ZNF316: variants seen among roughly 807,000 people sequenced by gnomAD.
ZNF316 encodes zinc finger protein 316.
In ZNF316, 23 loss-of-function variants were observed where a neutral mutation model predicts 75.6. The ratio of observed to expected loss-of-function variants is 0.30; its 90% CI spans 0.22 to 0.43. The LOEUF is 0.43. Ranked by LOEUF, ZNF316 falls within the 20% of genes least tolerant of loss-of-function variation. ZNF316 has a pLI of 1.00. For synonymous variants in ZNF316, 827 were observed against 666.2 expected, an observed-to-expected ratio of 1.24 and a Z score of -3.72; for missense variants, 1,266 against 1,409.4, an observed-to-expected ratio of 0.90 and a Z score of 1.63.
Position 6,657,311 on chromosome 7 carries a change from CAAAAAAAAAAA to C in ZNF316, c.*2717_*2727del, listed in dbSNP as rs33942632. On this transcript the variant is annotated 3_prime_UTR_variant, in exon 9 of 9. Coordinates refer to ENST00000382252, the MANE Select transcript of ZNF316 (RefSeq NM_001278559.2). ...GCCCGGCCAGAGCAACCTAATATTT[CAAAAAAAAAAA>C]AAAAAAAAAAAAAAAAGCCGGGCAT... Among the ~76,000 whole-genome samples the C allele has an allele frequency of 6.1e-5, 4 of 65,200 alleles. No individual in the cohort carries two copies. Among genetic ancestry groups the C allele is most frequent in the Admixed American group, 4.2e-4 (2 of 4,796 alleles). 42.8% of individuals were successfully genotyped at this position (65,200 alleles called of 152,430 possible).
rs1243365144 is a variant in ZNF316, at chr7:6,657,138, C to A, written c.*2527C>A. On this transcript the variant is annotated 3_prime_UTR_variant, in exon 9 of 9. Coordinates refer to ENST00000382252, the MANE Select transcript of ZNF316 (RefSeq NM_001278559.2). Reference sequence around the variant, plus strand: ...ACTGCCGAGTAGCTGGGATTACAGGCATGTGCCACCATGCCCAGCGAGTTT... The same window carrying A: ...ACTGCCGAGTAGCTGGGATTACAGGAATGTGCCACCATGCCCAGCGAGTTT... Among the ~76,000 whole-genome samples the A allele has an allele frequency of 5.3e-5, 8 of 151,902 alleles. No homozygotes were observed. The highest frequency in any genetic ancestry group is 8.8e-5 in the Non-Finnish European group (6 of 67,984).
rs1779660513 is a variant in ZNF316 at position 6,658,271 on chromosome 7, A to G, written c.*3660A>G. 6.6e-6 allele frequency among the ~76,000 whole-genome samples: 1 copy of G among 151,880 alleles called. No homozygotes were observed. Among genetic ancestry groups the G allele is most frequent in the Non-Finnish European group, 1.5e-5 (1 of 67,992 alleles). On this transcript the variant is annotated 3_prime_UTR_variant, in exon 9 of 9. Transcript: ENST00000382252. Reference sequence around the variant, plus strand: ...GGTTATATCTATTAAATAAAGCTTTATGATCTTTGCTCTTTTTTTTTTCCT... The same window carrying G: ...GGTTATATCTATTAAATAAAGCTTTGTGATCTTTGCTCTTTTTTTTTTCCT...
chr7:6,653,400 G>T lies in ZNF316; in HGVS notation c.1804G>T (p.Val602Leu), dbSNP rs1446629508. The T allele has an allele frequency of 2.2e-5, 27 of 1,227,040 alleles. No homozygotes were observed. The highest frequency in any genetic ancestry group is 2.7e-5 in the Non-Finnish European group (27 of 985,476). 76.0% of individuals were successfully genotyped at this position (1,227,040 alleles called of 1,614,324 possible). ...SSHPLGFHFP[V>L]HPKSWLHPDS... is the part of the protein sequence containing the mutation. Reference sequence around the variant, plus strand: ...CCACCCGCTGGGCTTCCACTTCCCCGTGCACCCCAAGTCCTGGCTGCACCC... The same window carrying T: ...CCACCCGCTGGGCTTCCACTTCCCCTTGCACCCCAAGTCCTGGCTGCACCC... The change falls in exon 9 of 9, where the codon GTG becomes TTG. Residue 602 changes from valine (V) to leucine (L), a missense_variant. By Grantham distance (32) the Val-to-Leu change is conservative. This residue lies in a region of ZNF316 where 961 missense variants were observed against 990.9 expected (regional missense o/e 0.97). Coordinates refer to ENST00000382252, the MANE Select transcript of ZNF316 (RefSeq NM_001278559.2).
At position 6,657,438 on chromosome 7, in the gene ZNF316, A is replaced by C. The variant is rs932003824; in HGVS notation, c.*2827A>C. ...AATTCAAGGCCAACCTGGGCAACGT[A>C]TCAAGACTCCATGTCTGAAACAGAC... On this transcript the variant is annotated 3_prime_UTR_variant, in exon 9 of 9. Coordinates refer to ENST00000382252, the MANE Select transcript of ZNF316 (RefSeq NM_001278559.2). Among the ~76,000 whole-genome samples, 1 of 151,928 alleles carries C rather than the reference A, an allele frequency of 6.6e-6. No individual in the cohort carries two copies. Among genetic ancestry groups the C allele is most frequent in the African/African-American group, 2.4e-5 (1 of 41,374 alleles).
At chr7:6,648,851 C>G (rs968355732) in intron 8 of ZNF316, among the ~76,000 whole-genome samples, 1 of 152,034 alleles carries the variant, frequency 6.6e-6, no homozygotes, top group Admixed American at 6.5e-5. Flanking sequence ...TGAGGGACAT[C>G]TCAGCATTAA....
chr7:6,643,132 T>C (rs1430497293), intron 6 of ZNF316, 59 bp downstream of exon 6: 2 of 1,231,622 alleles, frequency 1.6e-6, no homozygotes, highest in Non-Finnish European at 2.0e-6. Flanking sequence ...CCCCGGGGCC[T>C]CGGCACCTGC....
rs1562584166 is a variant in ZNF316 at position 6,653,282 on chromosome 7, G to A, written c.1686G>A (p.Ala562=). 3.3e-6 allele frequency: 4 copies of A among 1,227,684 alleles called. No homozygotes were observed. The highest frequency in any genetic ancestry group is 3.0e-6 in the Non-Finnish European group (3 of 986,032). 76.0% of individuals were successfully genotyped at this position (1,227,684 alleles called of 1,614,324 possible). A position where few individuals can be genotyped will look rare whatever the true frequency, so the allele number is the denominator to read the frequency against. ...AAEEREEAAV[A]APTPSGKVDP... ...AGGAGAGAGAGGAGGCGGCGGTGGCGGCGCCCACCCCCAGCGGCAAGGTGG... is the reference window on the plus strand; with the variant it reads ...AGGAGAGAGAGGAGGCGGCGGTGGCAGCGCCCACCCCCAGCGGCAAGGTGG... Residue 562 remains alanine (A), a synonymous_variant, in exon 9 of 9, where the codon GCG becomes GCA. Coordinates refer to ENST00000382252, the MANE Select transcript of ZNF316 (RefSeq NM_001278559.2).
Position 6,639,531 on chromosome 7 carries a change from G to A in ZNF316, c.-167+390G>A, listed in dbSNP as rs184743981. Reference sequence around the variant, plus strand: ...AAAGGGGAAGAGAGTTCTGGGGATGGGGAATAACACACACACGGCCTGAGA... The same window carrying A: ...AAAGGGGAAGAGAGTTCTGGGGATGAGGAATAACACACACACGGCCTGAGA... On this transcript the variant is annotated intron_variant, in intron 3 of 8. Coordinates refer to ENST00000382252, the MANE Select transcript of ZNF316 (RefSeq NM_001278559.2). This position sits in a 1 kb window ranked among gnomAD's most constrained non-coding sequence, Gnocchi z 4.2. 6.6e-6 allele frequency among the ~76,000 whole-genome samples: 1 copy of A among 152,310 alleles called. No individual in the cohort carries two copies. Among genetic ancestry groups the A allele is most frequent in the African/African-American group, 2.4e-5 (1 of 41,576 alleles).
At position 6,652,425 on chromosome 7, in the gene ZNF316, G is replaced by GGACGTGCCT; in HGVS notation, c.830_831insACGTGCCTG (p.Gly277_Asp278insArgAlaTrp). On this transcript the variant is annotated inframe_insertion, in exon 9 of 9. Transcript: ENST00000382252. ...GCTCTGGTCGGCGGCCTACGGCGTGGGGGACGTGCCTGGGACGTGGGGGCC... is the reference window on the plus strand; with the variant it reads ...GCTCTGGTCGGCGGCCTACGGCGTGGGACGTGCCTGGGACGTGCCTGGGACGTGGGGGCC... 8.1e-7 allele frequency: 1 copy of GGACGTGCCT among 1,232,194 alleles called. No individual in the cohort carries two copies. Among genetic ancestry groups the GGACGTGCCT allele is most frequent in the South Asian group, 4.1e-5 (1 of 24,324 alleles). 76.3% of individuals were successfully genotyped at this position (1,232,194 alleles called of 1,614,324 possible). A position where few individuals can be genotyped will look rare whatever the true frequency, so the allele number is the denominator to read the frequency against.
rs1004575610 is a variant in ZNF316, at chr7:6,652,523, C to T, written c.927C>T (p.Asp309=). The T allele has an allele frequency of 3.2e-6, 4 of 1,231,114 alleles. No individual in the cohort carries two copies. Among genetic ancestry groups the T allele is most frequent in the African/African-American group, 3.1e-5 (2 of 64,382 alleles). The allele number at this position is 1,231,114 out of a possible 1,614,324, so 76.3% of individuals were successfully genotyped here. The part of the protein sequence containing the change: ...PDPGGLGVLA[D]GSEAKPFLPG... Reference sequence around the variant, plus strand: ...CAGGCGGCCTGGGGGTCCTGGCCGACGGCTCTGAAGCGAAGCCTTTCCTGC... The same window carrying T: ...CAGGCGGCCTGGGGGTCCTGGCCGATGGCTCTGAAGCGAAGCCTTTCCTGC... Residue 309 remains aspartate (D), a synonymous_variant, in exon 9 of 9, where the codon GAC becomes GAT. Coordinates refer to ENST00000382252, the MANE Select transcript of ZNF316 (RefSeq NM_001278559.2).
Position 6,653,003 on chromosome 7 carries a change from C to G in ZNF316, c.1407C>G (p.Ser469Arg). ...ACTGCGGCCGCAGCTTCAGCCAGAG[C>G]TCGGCGCTGGCACGGCACCAGGCGG... ...CSHCGRSFSQSSALARHQAVH... is the reference protein window; with the variant it reads ...CSHCGRSFSQRSALARHQAVH... The change falls in exon 9 of 9, where the codon AGC (serine) becomes AGG (arginine). Residue 469 changes from serine to arginine, a missense_variant. Physicochemically the swap from Ser to Arg is moderately radical, Grantham distance 110. This residue lies in a region of ZNF316 where 961 missense variants were observed against 990.9 expected (regional missense o/e 0.97). Coordinates refer to ENST00000382252, the MANE Select transcript of ZNF316 (RefSeq NM_001278559.2). 2 of 1,229,950 alleles carry G rather than the reference C, an allele frequency of 1.6e-6. No individual in the cohort carries two copies. Among genetic ancestry groups the G allele is most frequent in the Non-Finnish European group, 2.0e-6 (2 of 985,790 alleles). 76.2% of individuals were successfully genotyped at this position (1,229,950 alleles called of 1,614,324 possible).
rs1396089740 is a variant in ZNF316 at position 6,654,863 on chromosome 7, T to TG, written c.*253dup. The TG allele has an allele frequency of 1.8e-5, 5 of 270,970 alleles. No individual in the cohort carries two copies. Among genetic ancestry groups the TG allele is most frequent in the African/African-American group, 1.1e-4 (5 of 43,888 alleles). 16.8% of individuals were successfully genotyped at this position (270,970 alleles called of 1,614,324 possible). Reference sequence around the variant, plus strand: ...GCCAGGACGTCACCCCCACGGAGACTGCGATATCCCCTGGGTGGGCCCGGG... The same window carrying TG: ...GCCAGGACGTCACCCCCACGGAGACTGGCGATATCCCCTGGGTGGGCCCGGG... On this transcript the variant is annotated 3_prime_UTR_variant, in exon 9 of 9. Transcript: ENST00000382252.
rs1779365282 is a variant in ZNF316 at position 6,644,517 on chromosome 7, G to A, written c.630G>A (p.Leu210=). 6 of 1,232,276 alleles carry A rather than the reference G, an allele frequency of 4.9e-6. No individual in the cohort carries two copies. Among genetic ancestry groups the A allele is most frequent in the Non-Finnish European group, 6.1e-6 (6 of 988,018 alleles). The allele number at this position is 1,232,276 out of a possible 1,614,324, so 76.3% of individuals were successfully genotyped here. ...CCAAGCCCGATCTGATCTTCCGGCT[G>A]GAACAAGGGGAAGAACCTTGGGTCC... is the stretch of plus-strand genomic sequence containing the variant. ...PIPKPDLIFR[L]EQGEEPWVPD... The change falls in exon 8 of 9, where the codon CTG becomes CTA. Residue 210 remains leucine (L), a synonymous_variant. Coordinates refer to ENST00000382252, the MANE Select transcript of ZNF316 (RefSeq NM_001278559.2).
intron 8 of ZNF316, among the ~76,000 whole-genome samples, chr7:6,649,066 G>C (rs2250465): frequency 0.13 from 19,676 of 152,102 alleles, 1,987 homozygotes; most frequent in South Asian, 0.43. Flanking sequence ...GGATGGGGGG[G>C]GTCTTAGTGT....
At chr7:6,645,674 CCT>C (rs1779388281) in intron 8 of ZNF316, among the ~76,000 whole-genome samples, 1 of 139,068 alleles carries the variant, frequency 7.2e-6, no homozygotes, top group Non-Finnish European at 1.5e-5. Flanking sequence ...ACAAAGTGGG[CCT>C]CTGTCTCAAA....
Position 6,653,681 on chromosome 7 carries a change from C to T in ZNF316, c.2085C>T (p.Asp695=), listed in dbSNP as rs919368594. The T allele has an allele frequency of 3.0e-5, 32 of 1,082,972 alleles. No individual in the cohort carries two copies. The highest frequency in any genetic ancestry group is 5.4e-5 in the Admixed American group (1 of 18,660). 67.1% of individuals were successfully genotyped at this position (1,082,972 alleles called of 1,614,324 possible). ...AGGAGAGCCCGTGGATCTGCTCGGACTGCGGCAAGACGTTTGGGCGCCGGG... is the reference window on the plus strand; with the variant it reads ...AGGAGAGCCCGTGGATCTGCTCGGATTGCGGCAAGACGTTTGGGCGCCGGG... The part of the protein sequence containing the change: ...AEEESPWICS[D]CGKTFGRRAA... The change falls in exon 9 of 9, where the codon GAC becomes GAT. Residue 695 remains aspartate, a synonymous_variant. Coordinates refer to ENST00000382252, the MANE Select transcript of ZNF316 (RefSeq NM_001278559.2).
intron 8 of ZNF316, among the ~76,000 whole-genome samples, chr7:6,648,371 G>A (rs946914483): frequency 1.6e-4 from 25 of 152,330 alleles, no homozygotes; most frequent in African/African-American, 5.8e-4. Flanking sequence ...CCTGATGGCA[G>A]GAAAGGAGCA....
intron 8 of ZNF316, among the ~76,000 whole-genome samples, chr7:6,646,666 G>C (rs936369633): frequency 6.6e-6 from 1 of 152,074 alleles, no homozygotes; most frequent in African/African-American, 2.4e-5. Flanking sequence ...GTGATCCATA[G>C]CCTGTGTACT....
In ZNF316 at chr7:6,639,696, G is replaced by A. The variant is rs1473728987; in HGVS notation, c.-167+555G>A. Among the ~76,000 whole-genome samples the A allele has an allele frequency of 4.6e-5, 7 of 152,216 alleles. No individual in the cohort carries two copies. The highest frequency in any genetic ancestry group is 1.5e-5 in the Non-Finnish European group (1 of 68,034). ...GGCAGGAGACAGCTCTACTGAGCTT[G>A]GCATGGCACCTAGGCCCAGCCTGAA... is the stretch of plus-strand genomic sequence containing the variant. On this transcript the variant is annotated intron_variant, in intron 3 of 8. Coordinates refer to ENST00000382252, the MANE Select transcript of ZNF316 (RefSeq NM_001278559.2). The surrounding 1 kb of genome is among the most constrained non-coding windows in gnomAD (Gnocchi z 4.2).
Sources: allele counts gnomAD v4.1 joint callset (sites outside exome capture counted in the v4.1 genomes callset), GRCh38; gene constraint gnomAD v4.1.1; regional missense constraint gnomAD v4.1.1; non-coding constraint Gnocchi (gnomAD v3.1); transcripts MANE v1.5; gene names NCBI Gene and HGNC (gene_info 2026-07-23, HGNC 2026-07-21).